IPPK: variants seen among roughly 807,000 people sequenced by gnomAD.
The protein encoded by IPPK is IPK1 homolog.
In IPPK, 22 loss-of-function variants were observed where a neutral mutation model predicts 64.6. The ratio of observed to expected loss-of-function variants is 0.34; its 90% CI spans 0.24 to 0.49. The LOEUF (loss-of-function observed/expected upper bound fraction) is 0.49. IPPK is among the 20% of genes least tolerant of loss of function. The probability of loss-of-function intolerance (pLI) is 0.99; values close to 1 mark genes in which losing one functional copy is unlikely to be tolerated. For synonymous variants in IPPK, 262 were observed against 247.2 expected (o/e 1.06, Z -0.56); for missense variants, 532 against 630.7 (o/e 0.84, Z 1.68).
At chr9:92,623,362 A>G (rs1293259771) in intron 11 of IPPK, among the ~76,000 whole-genome samples, 1 of 151,886 alleles carries the variant, frequency 6.6e-6, no homozygotes, top group East Asian at 1.9e-4. Context: ...TGAACCCGGG[A>G]GACGGAGCTT....
At chr9:92,642,282 G>A (rs1283273068) in intron 7 of IPPK, among the ~76,000 whole-genome samples, 1 of 152,294 alleles carries the variant, frequency 6.6e-6, no homozygotes, top group East Asian at 1.9e-4. Context: ...GAAGGCCGGG[G>A]AGCGTGGAGG....
chr9:92,650,215 C>T (rs1287837964), intron 4 of IPPK, among the ~76,000 whole-genome samples: 3 of 143,050 alleles, frequency 2.1e-5, no homozygotes, highest in South Asian at 2.4e-4. Flanking sequence ...CCCAGCTACT[C>T]GGGAGGCGTA....
intron 4 of IPPK, 125 bp from the exon 5 acceptor site, chr9:92,649,699 A>C: frequency 2.0e-4 from 229 of 1,136,594 alleles, no homozygotes; most frequent in Non-Finnish European, 2.5e-4. Context: ...TGAAAACCTC[A>C]TGTCTCCCTG....
intron 11 of IPPK, among the ~76,000 whole-genome samples, chr9:92,627,352 A>G (rs1258309655): frequency 6.6e-6 from 1 of 152,228 alleles, no homozygotes; most frequent in African/African-American, 2.4e-5. Flanking sequence ...ACACCAACTC[A>G]TTCTATGAGG....
At chr9:92,643,146 A>C (rs2131443615) in intron 6 of IPPK, among the ~76,000 whole-genome samples, 1 of 152,344 alleles carries the variant, frequency 6.6e-6, no homozygotes, top group South Asian at 2.1e-4. Flanking sequence ...AGAAGTTATA[A>C]TATCCAGTAA....
At position 92,649,947 on chromosome 9, in the gene IPPK, A is replaced by T. The variant is rs1266009756; in HGVS notation, c.293-373T>A. 5.5e-4 allele frequency among the ~76,000 whole-genome samples: 81 copies of T among 148,614 alleles called. 2 individuals carry two copies. The Admixed American group carries it at 5.5e-3, about 10-fold the overall frequency. On this transcript the variant is annotated intron_variant, in intron 4 of 12. Coordinates refer to ENST00000287996, the MANE Select transcript of IPPK (RefSeq NM_022755.6). Reference sequence around the variant, plus strand: ...AGGCTGAAGCAGGAGAATTGCTTGAACCCTAGAGACGGAGGTTGTGGTGAG... The same window carrying T: ...AGGCTGAAGCAGGAGAATTGCTTGATCCCTAGAGACGGAGGTTGTGGTGAG...
At chr9:92,634,328 C>CA in intron 11 of IPPK, 58 bp downstream of exon 11, 1 of 1,206,016 alleles carries the variant, frequency 8.3e-7, no homozygotes, top group Non-Finnish European at 1.2e-6. Context: ...AACAAAAAAA[C>CA]AGATTAGTGC....
chr9:92,631,773 G>A (rs533897023), intron 11 of IPPK, among the ~76,000 whole-genome samples: 78 of 152,288 alleles, frequency 5.1e-4, no homozygotes, highest in African/African-American at 1.7e-3. Flanking sequence ...ACATATATGC[G>A]AGTGTGTATG....
At chr9:92,661,302 C>T (rs1170284852) in intron 1 of IPPK, among the ~76,000 whole-genome samples, 1 of 152,220 alleles carries the variant, frequency 6.6e-6, no homozygotes, top group African/African-American at 2.4e-5. Flanking sequence ...CCCCAAAGGT[C>T]AAGGTCATGT....
chr9:92,667,669 A>G (rs1325099884), intron 1 of IPPK, among the ~76,000 whole-genome samples: 6 of 152,244 alleles, frequency 3.9e-5, no homozygotes, highest in Admixed American at 3.3e-4. Flanking sequence ...CTGTAATCCC[A>G]GCACTCTGGG....
intron 11 of IPPK, among the ~76,000 whole-genome samples, chr9:92,621,507 C>CTTTTTTTTT (rs58003734): frequency 1.0e-4 from 9 of 87,800 alleles, no homozygotes; most frequent in African/African-American, 1.0e-4. Context: ...AATACCATTC[C>CTTTTTTTTT]TTTTTTTTTT....
intron 11 of IPPK, among the ~76,000 whole-genome samples, chr9:92,625,103 G>A (rs1429907757): frequency 6.6e-6 from 1 of 152,128 alleles, no homozygotes; most frequent in Non-Finnish European, 1.5e-5. Context: ...ATAAGTGGTG[G>A]TTCCATAAGA....
chr9:92,643,700 A>C (rs1440429913), intron 6 of IPPK, among the ~76,000 whole-genome samples: 1 of 152,220 alleles, frequency 6.6e-6, no homozygotes, highest in Non-Finnish European at 1.5e-5. Context: ...AAGTGAAAAA[A>C]GCAATTAGAC....
Position 92,615,917 on chromosome 9 carries a change from T to C in IPPK, c.1391A>G (p.Lys464Arg), listed in dbSNP as rs113196202. ...LDGKIVNYYS[K>R]TVRAKDNAVM... ...GGCGTTGTCTTTGGCACGTACAGTC[T>C]TTGAATAATAGTTGACGATCTTGCC... Residue 464 changes from lysine (K) to arginine (R), a missense_variant, in exon 13 of 13, where the codon AAG becomes AGG. Coordinates refer to ENST00000287996, the MANE Select transcript of IPPK (RefSeq NM_022755.6). The C allele has an allele frequency of 3.8e-3, 6,068 of 1,614,186 alleles. 18 individuals carry two copies. The highest frequency in any genetic ancestry group is 4.2e-3 in the Non-Finnish European group (4,907 of 1,180,024).
intron 4 of IPPK, 81 bp from the exon 5 acceptor site, chr9:92,649,655 T>C: frequency 6.5e-7 from 1 of 1,539,980 alleles, no homozygotes; most frequent in Admixed American, 1.8e-5. Flanking sequence ...GGCCCCGCCT[T>C]GTCCCTGGTT....
chr9:92,654,795 AAG>A (rs925417695), intron 3 of IPPK, among the ~76,000 whole-genome samples: 61 of 152,300 alleles, frequency 4.0e-4, no homozygotes, highest in African/African-American at 1.3e-3. Context: ...CAGAAGGACA[AAG>A]AGCCGCCAGC....
chr9:92,644,730 C>T (rs755556048), intron 6 of IPPK, among the ~76,000 whole-genome samples: 31 of 152,182 alleles, frequency 2.0e-4, no homozygotes, highest in African/African-American at 7.0e-4. Context: ...ACAAAATTAG[C>T]GCAGAAAAGT....
chr9:92,635,323 A>C lies in IPPK; in HGVS notation c.917-15T>G. The C allele has an allele frequency of 6.2e-7, 1 of 1,604,270 alleles. No homozygotes were observed. The highest frequency in any genetic ancestry group is 8.5e-7 in the Non-Finnish European group (1 of 1,175,722). On this transcript the variant is annotated splice_polypyrimidine_tract_variant and intron_variant, in intron 9 of 12. Transcript: ENST00000287996. This position sits in a 1 kb window ranked among gnomAD's most constrained non-coding sequence, Gnocchi z 4.4. Reference sequence around the variant, plus strand: ...GGTGTTTTTTCCTACCGAGAACATCAGGGGAAAACGAGAGCATGTTGATTA... The same window carrying C: ...GGTGTTTTTTCCTACCGAGAACATCCGGGGAAAACGAGAGCATGTTGATTA...
chr9:92,643,062 A>G (rs539710794), intron 6 of IPPK, among the ~76,000 whole-genome samples: 3 of 152,380 alleles, frequency 2.0e-5, no homozygotes, highest in Admixed American at 2.0e-4. Context: ...AGCCCTTCAC[A>G]GGAGCAGGGA....
Sources: allele counts gnomAD v4.1 joint callset (sites outside exome capture counted in the v4.1 genomes callset), GRCh38; gene constraint gnomAD v4.1.1; non-coding constraint Gnocchi (gnomAD v3.1); transcripts MANE v1.5; gene names NCBI Gene and HGNC (gene_info 2026-07-23, HGNC 2026-07-21).